Variants in ARHGAP44 observed in about 807,000 individuals in gnomAD.
ARHGAP44 encodes the protein rho GTPase-activating protein 44.
ARHGAP44 carries 43 observed loss-of-function variants against 106.8 expected under a neutral mutation model. That is an observed-to-expected ratio of 0.40 (90% confidence interval 0.32 to 0.52). ARHGAP44 has a LOEUF of 0.52. ARHGAP44 is among the 20% of genes least tolerant of loss of function. ARHGAP44 has a pLI of 0.48. For missense variants in ARHGAP44, 866 were observed against 1,050.5 expected, an observed-to-expected ratio of 0.82 and a Z score of 2.43; for synonymous variants, 439 against 410.3, an observed-to-expected ratio of 1.07 and a Z score of -0.85.
chr17:12,868,149 C>T (rs991516691), intron 1 of ARHGAP44, among the ~76,000 whole-genome samples: 10 of 152,218 alleles, frequency 6.6e-5, no homozygotes, highest in East Asian at 3.9e-4. Context: ...AAAGAGGTGT[C>T]GGAGGGTCGT....
intron 1 of ARHGAP44, among the ~76,000 whole-genome samples, chr17:12,845,142 A>C (rs896955066): frequency 2.0e-5 from 3 of 152,130 alleles, no homozygotes; most frequent in African/African-American, 7.2e-5. Context: ...GAGTTACTCT[A>C]TCCTATGACC....
At chr17:12,840,282 G>A (rs9908269) in intron 1 of ARHGAP44, among the ~76,000 whole-genome samples, 1 of 152,250 alleles carries the variant, frequency 6.6e-6, no homozygotes, top group Admixed American at 6.5e-5. Flanking sequence ...TATGTGGTTA[G>A]TTTATTGAGG....
At chr17:12,978,886 G>A (rs924778203) in intron 18 of ARHGAP44, among the ~76,000 whole-genome samples, 9 of 151,924 alleles carry the variant, frequency 5.9e-5, no homozygotes, top group African/African-American at 1.5e-4. Flanking sequence ...ACAGGGTTTC[G>A]CCATGTTGGC....
chr17:12,985,127 C>T (rs1036719255), intron 20 of ARHGAP44: 9 of 579,706 alleles, frequency 1.6e-5, no homozygotes, highest in Non-Finnish European at 2.6e-5. Flanking sequence ...TATGGGATCT[C>T]TCTCGGTCTA....
intron 1 of ARHGAP44, among the ~76,000 whole-genome samples, chr17:12,846,000 A>G (rs2035559550): frequency 6.6e-6 from 1 of 152,144 alleles, no homozygotes; most frequent in Admixed American, 6.5e-5. Flanking sequence ...TTAGGAAAAC[A>G]TATCTAAAAA....
At chr17:12,980,370 G>A in intron 19 of ARHGAP44, 137 bp downstream of exon 19, 2 of 994,406 alleles carry the variant, frequency 2.0e-6, no homozygotes, top group South Asian at 1.8e-5. Context: ...GGACATTAGA[G>A]CTTTGGAAGT....
At chr17:12,813,702 CAA>C (rs908210127) in intron 1 of ARHGAP44, among the ~76,000 whole-genome samples, 1 of 152,120 alleles carries the variant, frequency 6.6e-6, no homozygotes, top group African/African-American at 2.4e-5. Flanking sequence ...CCCCACCACA[CAA>C]AGAGAGTGTA....
intron 1 of ARHGAP44, among the ~76,000 whole-genome samples, chr17:12,865,051 A>C (rs1567656404): frequency 6.6e-6 from 1 of 152,208 alleles, no homozygotes; most frequent in East Asian, 1.9e-4. Context: ...TAGTTAAATA[A>C]AAGTAGAAGA....
At chr17:12,897,162 T>C (rs901801726) in intron 3 of ARHGAP44, among the ~76,000 whole-genome samples, 2 of 152,204 alleles carry the variant, frequency 1.3e-5, no homozygotes, top group African/African-American at 4.8e-5. Flanking sequence ...TAAAAGATAT[T>C]CTTAGACATT....
At chr17:12,859,660 G>A (rs1337982407) in intron 1 of ARHGAP44, among the ~76,000 whole-genome samples, 1 of 152,174 alleles carries the variant, frequency 6.6e-6, no homozygotes, top group Non-Finnish European at 1.5e-5. Flanking sequence ...TTCTATAAAT[G>A]TACCCAGGAC....
At chr17:12,911,968 C>T (rs1191832523) in intron 4 of ARHGAP44, among the ~76,000 whole-genome samples, 2 of 152,216 alleles carry the variant, frequency 1.3e-5, no homozygotes, top group Admixed American at 1.3e-4. Flanking sequence ...ATAAGTGACG[C>T]AACCACGTCT....
intron 1 of ARHGAP44, among the ~76,000 whole-genome samples, chr17:12,802,961 A>T (rs1363852944): frequency 0.024 from 519 of 21,884 alleles, 66 homozygotes; most frequent in African/African-American, 0.13. Flanking sequence ...ATATATATAT[A>T]TATATATATT....
intron 5 of ARHGAP44, among the ~76,000 whole-genome samples, chr17:12,916,682 G>T: frequency 6.6e-6 from 1 of 152,188 alleles, no homozygotes; most frequent in South Asian, 2.1e-4. Context: ...ATCGTGCCCA[G>T]CTGCAGTGTA....
intron 1 of ARHGAP44, among the ~76,000 whole-genome samples, chr17:12,829,325 A>G (rs2035020427): frequency 6.6e-6 from 1 of 152,008 alleles, no homozygotes; most frequent in South Asian, 2.1e-4. Context: ...AAACCTTACC[A>G]TTTAAGGCCA....
rs765329141 is a variant in ARHGAP44, at chr17:12,956,762, T to G, written c.1342+16T>G. 5 of 1,609,988 alleles carry G rather than the reference T, an allele frequency of 3.1e-6. No individual in the cohort carries two copies. In the South Asian group the frequency reaches 4.4e-5, roughly 14 times the overall value. On this transcript the variant is annotated intron_variant, in intron 15 of 20. Coordinates refer to ENST00000379672, the MANE Select transcript of ARHGAP44 (RefSeq NM_014859.6). ...TTCCCTGGGGGTAGGTGACAGCACC[T>G]AGGTGTGGGGGCAAGAGGCAGGGAA...
At chr17:12,851,723 C>T (rs2150848929) in intron 1 of ARHGAP44, among the ~76,000 whole-genome samples, 2 of 152,262 alleles carry the variant, frequency 1.3e-5, no homozygotes, top group Middle Eastern at 6.8e-3. Flanking sequence ...GCGTGAGCCA[C>T]TGCGCCTGGC....
rs2033665460 is a variant in ARHGAP44 at position 12,789,622 on chromosome 17, C to A, written c.-217C>A. On this transcript the variant is annotated 5_prime_UTR_variant, in exon 1 of 21. Transcript: ENST00000379672. ...GCTCTGCCCCGGGCATTGCGCGGCG[C>A]GCGTGAGGGGGATGCGGCAGGAGGC... The A allele has an allele frequency of 3.1e-6, 1 of 327,570 alleles. No homozygotes were observed. Among genetic ancestry groups the A allele is most frequent in the African/African-American group, 2.2e-5 (1 of 46,074 alleles). 20.3% of individuals were successfully genotyped at this position (327,570 alleles called of 1,614,324 possible). A position where few individuals can be genotyped will look rare whatever the true frequency, so the allele number is the denominator to read the frequency against.
At chr17:12,813,349 TAAG>T (rs2034495445) in intron 1 of ARHGAP44, among the ~76,000 whole-genome samples, 1 of 150,556 alleles carries the variant, frequency 6.6e-6, no homozygotes, top group Non-Finnish European at 1.5e-5. Flanking sequence ...AAAGTAAAAA[TAAG>T]GAGACAGCAG....
At chr17:12,813,197 C>T (rs761396291) in intron 1 of ARHGAP44, among the ~76,000 whole-genome samples, 3 of 152,136 alleles carry the variant, frequency 2.0e-5, no homozygotes, top group Non-Finnish European at 2.9e-5. Context: ...TGAGGAGAGT[C>T]GGGAAGGAAA....
Sources: allele counts gnomAD v4.1 joint callset (sites outside exome capture counted in the v4.1 genomes callset), GRCh38; gene constraint gnomAD v4.1.1; transcripts MANE v1.5; gene names NCBI Gene and HGNC (gene_info 2026-07-23, HGNC 2026-07-21).